The following DGLUCY variants were observed in gnomAD, a reference collection of about 807,000 sequenced individuals.
The protein encoded by DGLUCY is D-glutamate cyclase.
Under a neutral mutation model 58.5 loss-of-function variants are expected in DGLUCY, and 58 were observed. That is an observed-to-expected ratio of 0.99 (90% CI 0.80 to 1.23). DGLUCY has a LOEUF of 1.23. DGLUCY is among the 50% of genes most tolerant of loss of function. DGLUCY has a pLI of 0.00. For synonymous variants in DGLUCY, 325 were observed against 314.1 expected, an observed-to-expected ratio of 1.03 and a Z score of -0.37; for missense variants, 779 against 784.7, an observed-to-expected ratio of 0.99 and a Z score of 0.09.
exon 1 of DGLUCY, chr14:91,060,344 C>T: frequency 7.0e-7 from 1 of 1,420,618 alleles, no homozygotes; most frequent in South Asian, 1.6e-5. Flanking sequence ...GTCCGCAGCT[C>T]GTGCTTGACA....
intron 8 of DGLUCY, among the ~76,000 whole-genome samples, chr14:91,186,478 C>T (rs1595870570): frequency 6.6e-6 from 1 of 152,164 alleles, no homozygotes; most frequent in East Asian, 1.9e-4. Context: ...AGCTCCTGAC[C>T]ATGGATCAGG....
chr14:91,120,211 C>T (rs1321321106), intron 1 of DGLUCY, among the ~76,000 whole-genome samples: 3 of 152,100 alleles, frequency 2.0e-5, no homozygotes, highest in Non-Finnish European at 4.4e-5. Flanking sequence ...CTCCCTCCTC[C>T]GGGCAGGTGT....
intron 1 of DGLUCY, among the ~76,000 whole-genome samples, chr14:91,078,489 G>A (rs1484710620): frequency 6.6e-6 from 1 of 152,116 alleles, no homozygotes; most frequent in African/African-American, 2.4e-5. Context: ...CCCCTGCAGC[G>A]GGTCTCCTTT....
intron 3 of DGLUCY, among the ~76,000 whole-genome samples, chr14:91,165,628 G>A (rs1159798043): frequency 1.3e-5 from 2 of 152,172 alleles, no homozygotes; most frequent in African/African-American, 4.8e-5. Context: ...ATATGAAAAG[G>A]CAGTCAGCCA....
At chr14:91,199,180 C>A (rs533256234) in intron 10 of DGLUCY, among the ~76,000 whole-genome samples, 2 of 152,174 alleles carry the variant, frequency 1.3e-5, no homozygotes, top group East Asian at 1.9e-4. Flanking sequence ...TGTTCCCATC[C>A]CCATAGCAAC....
intron 1 of DGLUCY, among the ~76,000 whole-genome samples, chr14:91,150,218 C>CAAAAAAAA (rs71120121): frequency 1.1e-4 from 7 of 64,726 alleles, no homozygotes; most frequent in Admixed American, 2.2e-4. Flanking sequence ...GACTCCATCT[C>CAAAAAAAA]AAAAAAAAAA....
At chr14:91,200,280 A>G (rs2050471641) in intron 11 of DGLUCY, among the ~76,000 whole-genome samples, 1 of 152,108 alleles carries the variant, frequency 6.6e-6, no homozygotes, top group Non-Finnish European at 1.5e-5. Flanking sequence ...TGACTATTGA[A>G]CACACGACCA....
Position 91,128,150 on chromosome 14 carries a change from TA to T in DGLUCY, c.-82+13868del, listed in dbSNP as rs535103715. On this transcript the variant is annotated intron_variant, in intron 1 of 13. Coordinates refer to ENST00000256324, the MANE Select transcript of DGLUCY (RefSeq NM_001102368.3). ...CTGCTCCTGGTACAGAATTCTGAGT[TA>T]CTTAGGACACTTGATTGCAATTGAT... Among the ~76,000 whole-genome samples the T allele has an allele frequency of 2.5e-3, 386 of 152,062 alleles. 1 individual carries two copies. Among genetic ancestry groups the T allele is most frequent in the African/African-American group, 8.8e-3 (365 of 41,492 alleles).
Position 91,175,828 on chromosome 14 carries a change from C to G in DGLUCY, c.608-106C>G, listed in dbSNP as rs115379791. 1.0e-3 allele frequency: 1,299 copies of G among 1,299,166 alleles called. 11 individuals are homozygous for G. In the African/African-American group the frequency reaches 0.017, roughly 17 times the overall value. The allele number at this position is 1,299,166 out of a possible 1,614,324, so 80.5% of individuals were successfully genotyped here. On this transcript the variant is annotated intron_variant, in intron 6 of 13. Coordinates refer to ENST00000256324, the MANE Select transcript of DGLUCY (RefSeq NM_001102368.3). ...TTCCTCAAATACCATTTACAATAAT[C>G]CTGCAATTTGAGTTTCTGTTTTAGA...
intron 9 of DGLUCY, among the ~76,000 whole-genome samples, chr14:91,190,274 A>C (rs571092767): frequency 5.1e-4 from 77 of 152,226 alleles, no homozygotes; most frequent in African/African-American, 1.8e-3. Flanking sequence ...GGCGTGAGCC[A>C]CCGCGCCCGG....
chr14:91,081,269 A>G (rs1484751645), intron 1 of DGLUCY, among the ~76,000 whole-genome samples: 6 of 152,322 alleles, frequency 3.9e-5, no homozygotes, highest in African/African-American at 1.4e-4. Context: ...TCTGTGTTCT[A>G]CACAAACAAG....
intron 12 of DGLUCY, among the ~76,000 whole-genome samples, chr14:91,211,910 C>A (rs10132971): frequency 0.3 from 45,796 of 152,088 alleles, 8,459 homozygotes; most frequent in African/African-American, 0.51. Flanking sequence ...AAGTGATTCT[C>A]CTGCCTCAGC....
chr14:91,071,786 T>G (rs2043923851), intron 1 of DGLUCY, among the ~76,000 whole-genome samples: 1 of 151,472 alleles, frequency 6.6e-6, no homozygotes, highest in Non-Finnish European at 1.5e-5. Flanking sequence ...AAGAATCGCT[T>G]GAACCCAGGA....
intron 12 of DGLUCY, among the ~76,000 whole-genome samples, chr14:91,205,842 CTTTT>C (rs36096639): frequency 2.4e-3 from 166 of 70,560 alleles, no homozygotes; most frequent in African/African-American, 0.01. Flanking sequence ...TCTTCTTCTT[CTTTT>C]TTTTTTTTTT....
intron 1 of DGLUCY, among the ~76,000 whole-genome samples, chr14:91,072,535 A>AG (rs2043939638): frequency 6.6e-6 from 1 of 152,106 alleles, no homozygotes; most frequent in South Asian, 2.1e-4. Context: ...TTACTTAAAA[A>AG]TAATTTGCAG....
chr14:91,209,985 A>G (rs890620768), intron 12 of DGLUCY, among the ~76,000 whole-genome samples: 5 of 152,198 alleles, frequency 3.3e-5, no homozygotes, highest in Non-Finnish European at 7.4e-5. Flanking sequence ...CCAGTATTCA[A>G]ATAAGACATA....
intron 8 of DGLUCY, chr14:91,185,513 T>G (rs2049460790): frequency 6.6e-6 from 1 of 151,180 alleles, no homozygotes; most frequent in Non-Finnish European, 1.5e-5. Context: ...CAAACAATCC[T>G]CCCTCCTCAG....
chr14:91,148,496 G>A (rs551732701), intron 1 of DGLUCY: 1 of 151,890 alleles, frequency 6.6e-6, no homozygotes, highest in East Asian at 2.0e-4. Flanking sequence ...ATGAGCCACT[G>A]TGCCTGGCTA....
chr14:91,105,402 C>T (rs897164701), upstream of DGLUCY, among the ~76,000 whole-genome samples: 10 of 152,286 alleles, frequency 6.6e-5, no homozygotes, highest in Admixed American at 4.6e-4. Context: ...CAGATCACAT[C>T]GAGACAGGTG....
Sources: gnomAD v4.1 joint callset for allele counts (sites outside exome capture counted in the v4.1 genomes callset) on GRCh38, gnomAD v4.1.1 for gene constraint, MANE v1.5 for transcripts, NCBI Gene and HGNC (gene_info 2026-07-23, HGNC 2026-07-21) for gene names.